FMN1: variants seen among roughly 807,000 people sequenced by gnomAD.
FMN1 encodes the protein formin 1.
In FMN1, 110 loss-of-function variants were observed where a neutral mutation model predicts 132.4. The observed-to-expected ratio is 0.83, with a 90% CI of 0.71 to 0.97. The LOEUF (loss-of-function observed/expected upper bound fraction) is 0.97. FMN1 is among the 50% of genes least tolerant of loss of function. FMN1 has a pLI of 0.00. For missense variants in FMN1, 1,792 were observed against 1,705.3 expected, an observed-to-expected ratio of 1.05 and a Z score of -0.90; for synonymous variants, 722 against 651.7, an observed-to-expected ratio of 1.11 and a Z score of -1.64.
intron 16 of FMN1, among the ~76,000 whole-genome samples, chr15:32,863,417 G>C (rs1408696131): frequency 5.3e-5 from 8 of 152,156 alleles, no homozygotes; most frequent in African/African-American, 1.9e-4. Flanking sequence ...CTGGGCGACA[G>C]AGCGAGACTC....
Position 32,969,069 on chromosome 15 carries a change from G to C in FMN1, c.2632C>G (p.Pro878Ala), listed in dbSNP as rs1188248021. 1.9e-6 allele frequency: 3 copies of C among 1,583,374 alleles called. No homozygotes were observed. The highest frequency in any genetic ancestry group is 2.6e-6 in the Non-Finnish European group (3 of 1,162,050). ...LPPPPASIPP[P>A]PPLPSGLGSL... ...CCAAGTCCTGAGGGGAGGGGCGGAG[G>C]GGGAGGGATGGATGCGGGAGGCGGA... is the stretch of plus-strand genomic sequence containing the variant. The change falls in exon 8 of 21, where the codon CCT (proline) becomes GCT (alanine). Residue 878 changes from proline (P) to alanine (A), a missense_variant. By Grantham distance (27) the Pro-to-Ala change is conservative. Coordinates refer to ENST00000616417, the MANE Select transcript of FMN1 (RefSeq NM_001277313.2).
At chr15:32,931,614 G>A (rs1043969633) in intron 9 of FMN1, among the ~76,000 whole-genome samples, 1 of 152,040 alleles carries the variant, frequency 6.6e-6, no homozygotes, top group African/African-American at 2.4e-5. Context: ...GGAATCCTTA[G>A]GGTTTTCTAC....
intron 7 of FMN1, among the ~76,000 whole-genome samples, chr15:32,971,896 G>A (rs918726647): frequency 6.6e-6 from 1 of 152,106 alleles, no homozygotes; most frequent in African/African-American, 2.4e-5. Flanking sequence ...CTACCACTCT[G>A]TCAACGATCT....
chr15:32,863,812 C>A (rs1348993749), intron 16 of FMN1, among the ~76,000 whole-genome samples: 1 of 152,130 alleles, frequency 6.6e-6, no homozygotes, highest in Non-Finnish European at 1.5e-5. Context: ...CCCAAACACA[C>A]TTTTATCAAA....
At chr15:33,018,041 G>T (rs898943824) in intron 6 of FMN1, among the ~76,000 whole-genome samples, 1 of 149,792 alleles carries the variant, frequency 6.7e-6, no homozygotes, top group East Asian at 1.9e-4. Context: ...CTCCAGCCTG[G>T]GCAACAGAGC....
chr15:33,112,875 T>A (rs2039765774), intron 4 of FMN1, among the ~76,000 whole-genome samples: 1 of 152,142 alleles, frequency 6.6e-6, no homozygotes, highest in Admixed American at 6.6e-5. Context: ...GCTACTGGGT[T>A]TATATCGTCA....
At chr15:33,089,499 C>T (rs1364499176) in intron 4 of FMN1, among the ~76,000 whole-genome samples, 1 of 152,168 alleles carries the variant, frequency 6.6e-6, no homozygotes, top group Non-Finnish European at 1.5e-5. Context: ...TCGCTTTTGT[C>T]ATCTCTAGAA....
rs141171139 is a variant in FMN1, at chr15:33,140,670, G to A, written c.1867+12378C>T. Among the ~76,000 whole-genome samples the A allele has an allele frequency of 1.9e-3, 288 of 152,280 alleles. 2 individuals are homozygous for A. The highest frequency in any genetic ancestry group is 6.4e-3 in the African/African-American group (264 of 41,554). ...AAGCAATATCTGGAATATAAAAAAC[G>A]AAATGCTTAACTCTAACCAGAGAAG... On this transcript the variant is annotated intron_variant, in intron 4 of 20. Coordinates refer to ENST00000616417, the MANE Select transcript of FMN1 (RefSeq NM_001277313.2).
chr15:33,120,931 G>GT (rs1566934032), intron 4 of FMN1, among the ~76,000 whole-genome samples: 1 of 152,112 alleles, frequency 6.6e-6, no homozygotes. Flanking sequence ...TTATAGTACA[G>GT]TAAGCCCATC....
chr15:33,071,054 C>T (rs1352629049), intron 5 of FMN1, among the ~76,000 whole-genome samples: 1 of 152,142 alleles, frequency 6.6e-6, no homozygotes, highest in African/African-American at 2.4e-5. Flanking sequence ...CCACACACAG[C>T]GAGGTGCAAA....
At chr15:33,099,043 G>A (rs1428600031) in intron 4 of FMN1, among the ~76,000 whole-genome samples, 1 of 152,144 alleles carries the variant, frequency 6.6e-6, no homozygotes, top group African/African-American at 2.4e-5. Context: ...GAGGCTGGTG[G>A]ACTGCTTGAG....
chr15:33,003,568 C>T (rs1377629572), intron 7 of FMN1, among the ~76,000 whole-genome samples: 5 of 152,204 alleles, frequency 3.3e-5, no homozygotes, highest in Non-Finnish European at 5.9e-5. Context: ...AATGGAAGAA[C>T]ATTCTATGCT....
chr15:32,899,934 GA>G, intron 14 of FMN1, 44 bp downstream of exon 14: 1 of 1,586,760 alleles, frequency 6.3e-7, no homozygotes. Context: ...GGTAAAGAAA[GA>G]AAATAATGGC....
At chr15:32,947,472 C>T (rs918142480) in intron 9 of FMN1, among the ~76,000 whole-genome samples, 2 of 152,030 alleles carry the variant, frequency 1.3e-5, no homozygotes, top group African/African-American at 2.4e-5. Context: ...ATATCTCCCA[C>T]TTAGTTTTCC....
At chr15:32,861,102 TTTAA>T (rs1304618734) in intron 16 of FMN1, among the ~76,000 whole-genome samples, 3 of 152,230 alleles carry the variant, frequency 2.0e-5, no homozygotes, top group African/African-American at 4.8e-5. Context: ...CCTTAAATTA[TTTAA>T]TTAACCCTCT....
intron 4 of FMN1, among the ~76,000 whole-genome samples, chr15:33,135,103 C>A (rs1269752976): frequency 1.3e-5 from 2 of 152,210 alleles, no homozygotes; most frequent in African/African-American, 4.8e-5. Context: ...TTGAGTTTCT[C>A]CCTTCATATT....
At chr15:32,789,711 C>A (rs1595914895) in intron 19 of FMN1, among the ~76,000 whole-genome samples, 1 of 152,194 alleles carries the variant, frequency 6.6e-6, no homozygotes, top group Non-Finnish European at 1.5e-5. Flanking sequence ...CTCACTGACT[C>A]ACCCAGAGCA....
At chr15:33,001,766 C>T (rs2140913618) in intron 7 of FMN1, among the ~76,000 whole-genome samples, 1 of 145,338 alleles carries the variant, frequency 6.9e-6, no homozygotes, top group African/African-American at 2.5e-5. Context: ...CTCGCTCAGG[C>T]TGGACTGCGG....
intron 9 of FMN1, among the ~76,000 whole-genome samples, chr15:32,960,423 A>T (rs936548659): frequency 6.6e-6 from 1 of 152,210 alleles, no homozygotes; most frequent in Non-Finnish European, 1.5e-5. Context: ...GAGCCAATTT[A>T]TTAGAAAAAT....
Sources: gnomAD v4.1 joint callset for allele counts (sites outside exome capture counted in the v4.1 genomes callset) on GRCh38, gnomAD v4.1.1 for gene constraint, MANE v1.5 for transcripts, NCBI Gene and HGNC (gene_info 2026-07-23, HGNC 2026-07-21) for gene names.